BLOC1S2: variants seen among roughly 807,000 people sequenced by gnomAD.
BLOC1S2 encodes biogenesis of lysosomal organelles complex 1 subunit 2.
In BLOC1S2, 12 loss-of-function variants were observed where a neutral mutation model predicts 19.6. The observed-to-expected ratio is 0.61, with a 90% CI of 0.39 to 0.99. BLOC1S2 has a LOEUF of 0.99. Among genes scored for constraint, BLOC1S2 ranks in the 50% least tolerant of loss-of-function variants. The pLI, the probability that BLOC1S2 is intolerant of heterozygous loss-of-function variation, is 0.00. For missense variants in BLOC1S2, 142 were observed against 171.0 expected (o/e 0.83, Z 0.95); for synonymous variants, 66 against 64.1 (o/e 1.03, Z -0.14).
rs1168157481 is a variant in BLOC1S2 at position 100,286,398 on chromosome 10, A to C, written c.56-185T>G. On this transcript the variant is annotated intron_variant, in intron 1 of 4. Transcript: ENST00000370372. ...TGACACATCAACTCGCCTCCCTCGC[A>C]CCGCCCCTCGCCCATACCCGGCACC... is the stretch of plus-strand genomic sequence containing the variant. 8 of 1,456,310 alleles carry C rather than the reference A, an allele frequency of 5.5e-6. No homozygotes were observed. The East Asian group carries it at 2.0e-4, about 37-fold the overall frequency. 90.2% of individuals were successfully genotyped at this position (1,456,310 alleles called of 1,614,324 possible). A position where few individuals can be genotyped will look rare whatever the true frequency, so the allele number is the denominator to read the frequency against.
In BLOC1S2 at chr10:100,281,004, G is replaced by A. The variant is rs777990056; in HGVS notation, c.222C>T (p.Ser74=). The A allele has an allele frequency of 6.2e-7, 1 of 1,613,794 alleles. No homozygotes were observed. The highest frequency in any genetic ancestry group is 8.5e-7 in the Non-Finnish European group (1 of 1,179,910). The change falls in exon 3 of 5, where the codon AGC becomes AGT. Residue 74 remains serine (S), a synonymous_variant. Coordinates refer to ENST00000370372, the MANE Select transcript of BLOC1S2 (RefSeq NM_173809.5). The part of the protein sequence containing the change: ...KLLENMNKLT[S]LKYLEMKDIA... Reference sequence around the variant, plus strand: ...TATCTTTCATTTCAAGATACTTCAAGCTGGTGAGTTTATTCATATTTTCCA... The same window carrying A: ...TATCTTTCATTTCAAGATACTTCAAACTGGTGAGTTTATTCATATTTTCCA...
At chr10:100,278,741 C>G (rs1848017097) in intron 4 of BLOC1S2, among the ~76,000 whole-genome samples, 1 of 151,922 alleles carries the variant, frequency 6.6e-6, no homozygotes, top group Non-Finnish European at 1.5e-5. Context: ...GTCTGCTGAC[C>G]TTCCCTCCAC....
rs563067256 is a variant in BLOC1S2 at position 100,277,535 on chromosome 10, G to T, written c.398-2042C>A. On this transcript the variant is annotated intron_variant, in intron 4 of 4. Coordinates refer to ENST00000370372, the MANE Select transcript of BLOC1S2 (RefSeq NM_173809.5). ...GGGTCAGCCCCCCGCCTGGCCAGCT[G>T]TCCCGTCCGGGAGGGAGGTGGGGGG... 4.4e-3 allele frequency among the ~76,000 whole-genome samples: 484 copies of T among 109,362 alleles called. 56 individuals carry two copies. Among genetic ancestry groups the T allele is most frequent in the African/African-American group, 0.018 (453 of 25,828 alleles). 71.7% of individuals were successfully genotyped at this position (109,362 alleles called of 152,430 possible).
At chr10:100,282,920 T>C in intron 2 of BLOC1S2, 1 of 398,628 alleles carries the variant, frequency 2.5e-6, no homozygotes, top group Non-Finnish European at 4.4e-6. Flanking sequence ...TTCTAAGCTC[T>C]TCCTTGGCAA....
Position 100,274,808 on chromosome 10 carries a change from T to C in BLOC1S2, c.*654A>G. On this transcript the variant is annotated 3_prime_UTR_variant, in exon 5 of 5. Transcript: ENST00000370372. ...GTTTTCATCACATTTCCCAAACTGA[T>C]CGCATGTCAATGTGACTCACATAGA... 1 of 396,390 alleles carries C rather than the reference T, an allele frequency of 2.5e-6. No homozygotes were observed. Among genetic ancestry groups the C allele is most frequent in the Non-Finnish European group, 4.4e-6 (1 of 225,186 alleles). The allele number at this position is 396,390 out of a possible 1,614,324, so 24.6% of individuals were successfully genotyped here.
intron 2 of BLOC1S2, among the ~76,000 whole-genome samples, chr10:100,285,186 G>A (rs951895732): frequency 6.6e-6 from 1 of 152,166 alleles, no homozygotes; most frequent in East Asian, 1.9e-4. Context: ...CTGGGGAAGT[G>A]AAACAATTTA....
At chr10:100,280,384 T>C (rs1848073530) in intron 3 of BLOC1S2, among the ~76,000 whole-genome samples, 156 bp from the exon 4 acceptor site, 2 of 152,226 alleles carry the variant, frequency 1.3e-5, no homozygotes, top group Non-Finnish European at 2.9e-5. Context: ...GCAGATGCTT[T>C]AGAAGACAGT....
rs376445902 is a variant in BLOC1S2 at position 100,280,075 on chromosome 10, T to C, written c.397+49A>G. 10 of 1,430,506 alleles carry C rather than the reference T, an allele frequency of 7.0e-6. No individual in the cohort carries two copies. In the African/African-American group the frequency reaches 1.4e-4, roughly 20 times the overall value. 88.6% of individuals were successfully genotyped at this position (1,430,506 alleles called of 1,614,324 possible). A position where few individuals can be genotyped will look rare whatever the true frequency, so the allele number is the denominator to read the frequency against. The stretch of plus-strand genomic sequence containing the variant: ...ACTATTATGTTTACTAAGAATATGC[T>C]GGCAAGAAGCAGTCTTTATTACATC... On this transcript the variant is annotated intron_variant, in intron 4 of 4. Coordinates refer to ENST00000370372, the MANE Select transcript of BLOC1S2 (RefSeq NM_173809.5).
intron 4 of BLOC1S2, among the ~76,000 whole-genome samples, chr10:100,278,109 GGGGGC>G (rs1847982969): frequency 8.3e-6 from 1 of 120,814 alleles, no homozygotes; most frequent in Non-Finnish European, 1.9e-5. Context: ...AGGGAGGTGG[GGGGGC>G]GGTCAGCGCC....
chr10:100,277,987 C>T (rs1847971915), intron 4 of BLOC1S2, among the ~76,000 whole-genome samples: 1 of 118,994 alleles, frequency 8.4e-6, no homozygotes, highest in African/African-American at 3.5e-5. Context: ...GCCCGGCCAG[C>T]CGCCCTGTCC....
At chr10:100,278,170 G>GCC (rs1334742991) in intron 4 of BLOC1S2, among the ~76,000 whole-genome samples, 1 of 137,874 alleles carries the variant, frequency 7.3e-6, no homozygotes, top group East Asian at 2.2e-4. Flanking sequence ...GGGGGGGTCA[G>GCC]CCCCCTACCC....
intron 4 of BLOC1S2, among the ~76,000 whole-genome samples, chr10:100,278,420 A>C (rs1318642888): frequency 6.6e-6 from 1 of 152,246 alleles, no homozygotes; most frequent in Non-Finnish European, 1.5e-5. Context: ...AGATTGAGAA[A>C]TCGGATGGTT....
In BLOC1S2 at chr10:100,276,313, TCCCGTCTCCCTCTCTCTCTC is replaced by T. The variant is rs1336070612; in HGVS notation, c.398-840_398-821del. Among the ~76,000 whole-genome samples the T allele has an allele frequency of 7.7e-3, 794 of 102,570 alleles. 194 individuals carry two copies. The highest frequency in any genetic ancestry group is 0.013 in the Non-Finnish European group (591 of 45,644). 67.3% of individuals were successfully genotyped at this position (102,570 alleles called of 152,430 possible). ...GCCCGTCTCCCTCTCCATCTCCCTC[TCCCGTCTCCCTCTCTCTCTC>T]CCGTCTCCCTCTCCCGTCTCCCTCT... On this transcript the variant is annotated intron_variant, in intron 4 of 4. Coordinates refer to ENST00000370372, the MANE Select transcript of BLOC1S2 (RefSeq NM_173809.5).
At position 100,275,389 on chromosome 10, in the gene BLOC1S2, C is replaced by T; in HGVS notation, c.*73G>A. ...TGAGGAATTTTCACAATTCATCAGC[C>T]TCAGGATTCAGGTTTTATAAGACAT... On this transcript the variant is annotated 3_prime_UTR_variant, in exon 5 of 5. Transcript: ENST00000370372. 1 of 1,445,418 alleles carries T rather than the reference C, an allele frequency of 6.9e-7. No homozygotes were observed. The allele number at this position is 1,445,418 out of a possible 1,614,324, so 89.5% of individuals were successfully genotyped here. A position where few individuals can be genotyped will look rare whatever the true frequency, so the allele number is the denominator to read the frequency against.
At chr10:100,281,105 T>G in intron 2 of BLOC1S2, 52 bp from the exon 3 acceptor site, 1 of 1,598,874 alleles carries the variant, frequency 6.3e-7, no homozygotes. Flanking sequence ...CTTAAATCAT[T>G]AGAATGTGGG....
Sources: gnomAD v4.1 joint callset for allele counts (sites outside exome capture counted in the v4.1 genomes callset) on GRCh38, gnomAD v4.1.1 for gene constraint, MANE v1.5 for transcripts, NCBI Gene and HGNC (gene_info 2026-07-23, HGNC 2026-07-21) for gene names.